The following FGF14 variants were observed in gnomAD, a reference collection of about 807,000 sequenced individuals.
The protein encoded by FGF14 is fibroblast growth factor homologous factor 4.
FGF14 carries 5 observed loss-of-function variants against 25.5 expected under a neutral mutation model. The ratio of observed to expected loss-of-function variants is 0.20; its 90% CI spans 0.10 to 0.41. FGF14 has a LOEUF of 0.41. Among genes scored for constraint, FGF14 ranks in the 10% least tolerant of loss-of-function variants. The pLI, the probability that FGF14 is intolerant of heterozygous loss-of-function variation, is 1.00. For synonymous variants in FGF14, 138 were observed against 118.3 expected (o/e 1.17, Z -1.08); for missense variants, 222 against 320.1 (o/e 0.69, Z 2.34).
chr13:101,868,929 G>T (rs2044885494), intron 2 of FGF14, 101 bp from the exon 3 acceptor site: 1 of 790,838 alleles, frequency 1.3e-6, no homozygotes, highest in Non-Finnish European at 2.2e-6. Context: ...CATCATCTTT[G>T]CCAATACTTT....
At chr13:102,226,980 T>G (rs946143559) in intron 1 of FGF14, among the ~76,000 whole-genome samples, 2 of 152,062 alleles carry the variant, frequency 1.3e-5, no homozygotes, top group African/African-American at 4.8e-5. Context: ...CATATTTAAC[T>G]CCATTTCCTC....
intron 3 of FGF14, among the ~76,000 whole-genome samples, chr13:101,731,377 C>A (rs937455866): frequency 2.6e-5 from 4 of 152,128 alleles, no homozygotes; most frequent in Non-Finnish European, 5.9e-5. Context: ...TCACCCCCAC[C>A]ACAACAAAAT....
chr13:101,969,095 G>A (rs914257757), intron 1 of FGF14, among the ~76,000 whole-genome samples: 3 of 152,132 alleles, frequency 2.0e-5, no homozygotes, highest in Admixed American at 2.0e-4. Context: ...CTGGCCAGTG[G>A]GCTCCATGCC....
At chr13:101,758,381 G>A (rs1232801411) in intron 3 of FGF14, among the ~76,000 whole-genome samples, 1 of 152,194 alleles carries the variant, frequency 6.6e-6, no homozygotes, top group Admixed American at 6.5e-5. Flanking sequence ...GTTCCCAGGT[G>A]ATGCTGATGC....
chr13:102,042,181 C>G (rs2140003105), intron 1 of FGF14, among the ~76,000 whole-genome samples: 1 of 152,298 alleles, frequency 6.6e-6, no homozygotes, highest in Non-Finnish European at 1.5e-5. Flanking sequence ...TGGCATAAAA[C>G]ATGGTAATGA....
At chr13:102,279,621 T>C (rs2053728357) in intron 1 of FGF14, among the ~76,000 whole-genome samples, 1 of 152,192 alleles carries the variant, frequency 6.6e-6, no homozygotes. Flanking sequence ...ACTTTCCATA[T>C]ATTTGCACAT....
At chr13:102,251,766 T>C (rs2052187366) in intron 1 of FGF14, among the ~76,000 whole-genome samples, 2 of 152,290 alleles carry the variant, frequency 1.3e-5, no homozygotes, top group East Asian at 3.9e-4. Flanking sequence ...CATGACTCTT[T>C]TTAGACTTCC....
Position 102,019,982 on chromosome 13 carries a change from TAAAAC to T in FGF14, c.209-144691_209-144687del, listed in dbSNP as rs1219024957. The stretch of plus-strand genomic sequence containing the variant: ...GTCAGGTGCTTGCCTACAGCAAAAA[TAAAAC>T]AAAAGCATGAAAGACTGCATTGTGT... On this transcript the variant is annotated intron_variant, in intron 1 of 4. Coordinates refer to the FGF14 transcript ENST00000376131. Among the ~76,000 whole-genome samples the T allele has an allele frequency of 1.2e-4, 19 of 152,114 alleles. No individual in the cohort carries two copies. The East Asian group carries it at 3.5e-3, about 28-fold the overall frequency.
At chr13:102,134,997 A>T (rs796244425) in intron 1 of FGF14, among the ~76,000 whole-genome samples, 8 of 148,360 alleles carry the variant, frequency 5.4e-5, no homozygotes, top group African/African-American at 2.0e-4. Flanking sequence ...CAGTCTGGGT[A>T]ACATAGGGAG....
At chr13:102,254,562 G>T (rs893503131) in intron 1 of FGF14, among the ~76,000 whole-genome samples, 5 of 152,164 alleles carry the variant, frequency 3.3e-5, no homozygotes, top group African/African-American at 1.2e-4. Context: ...CTCCATTTGA[G>T]GCTATCTGTA....
At chr13:101,924,605 ATTAT>A (rs1184712495) in intron 1 of FGF14, among the ~76,000 whole-genome samples, 1 of 152,218 alleles carries the variant, frequency 6.6e-6, no homozygotes, top group African/African-American at 2.4e-5. Flanking sequence ...TTCGGTCATA[ATTAT>A]TTAAATGGGA....
intron 1 of FGF14, among the ~76,000 whole-genome samples, chr13:101,944,006 A>G (rs2035641805): frequency 7.7e-6 from 1 of 130,652 alleles, no homozygotes; most frequent in Non-Finnish European, 1.5e-5. Context: ...CTCAAAAAAA[A>G]AAAAAAAACA....
At chr13:101,951,982 C>T (rs1169679183) in intron 1 of FGF14, among the ~76,000 whole-genome samples, 1 of 152,140 alleles carries the variant, frequency 6.6e-6, no homozygotes, top group Non-Finnish European at 1.5e-5. Context: ...ATCATATTAA[C>T]AAAATGACCC....
intron 3 of FGF14, among the ~76,000 whole-genome samples, chr13:101,838,907 G>A (rs1398831811): frequency 2.6e-5 from 4 of 151,974 alleles, no homozygotes; most frequent in Non-Finnish European, 5.9e-5. Flanking sequence ...ACACGTTTTT[G>A]TCTGCTTTTA....
At chr13:101,940,500 G>A (rs2035378466) in intron 1 of FGF14, among the ~76,000 whole-genome samples, 1 of 152,206 alleles carries the variant, frequency 6.6e-6, no homozygotes, top group Admixed American at 6.5e-5. Flanking sequence ...TGCTCGCCTT[G>A]AGGCTTTTGT....
At chr13:102,107,747 G>T (rs558846103) in intron 1 of FGF14, among the ~76,000 whole-genome samples, 2 of 152,296 alleles carry the variant, frequency 1.3e-5, no homozygotes, top group East Asian at 3.9e-4. Context: ...AGTCAGAGAA[G>T]AAAAGGATGG....
chr13:101,753,532 C>T (rs1194148776), intron 3 of FGF14, among the ~76,000 whole-genome samples: 2 of 152,060 alleles, frequency 1.3e-5, no homozygotes, highest in African/African-American at 4.8e-5. Flanking sequence ...TGGCCAGGCG[C>T]GATGGCTCAC....
intron 3 of FGF14, among the ~76,000 whole-genome samples, chr13:101,862,986 T>C (rs1189527152): frequency 6.6e-6 from 1 of 152,138 alleles, no homozygotes; most frequent in Non-Finnish European, 1.5e-5. Context: ...AATGTATATA[T>C]AATTTGAGGA....
At chr13:101,976,750 C>CA (rs1201151902) in intron 1 of FGF14, among the ~76,000 whole-genome samples, 1 of 152,126 alleles carries the variant, frequency 6.6e-6, no homozygotes, top group Non-Finnish European at 1.5e-5. Context: ...ATGGCAACAA[C>CA]AAAAATATAT....
Sources: gnomAD v4.1 joint callset for allele counts (sites outside exome capture counted in the v4.1 genomes callset) on GRCh38, gnomAD v4.1.1 for gene constraint, MANE v1.5 for transcripts, NCBI Gene and HGNC (gene_info 2026-07-23, HGNC 2026-07-21) for gene names.